The following CACNB2 variants were observed in gnomAD, a reference collection of about 807,000 sequenced individuals.
CACNB2 encodes calcium voltage-gated channel auxiliary subunit beta 2.
Under a neutral mutation model 73.3 loss-of-function variants are expected in CACNB2, and 42 were observed. The ratio of observed to expected loss-of-function variants is 0.57; its 90% CI spans 0.45 to 0.74. CACNB2 has a LOEUF of 0.74. Among genes scored for constraint, CACNB2 ranks in the 30% least tolerant of loss-of-function variants. The pLI is 0.00. For synonymous variants in CACNB2, 348 were observed against 310.3 expected, an observed-to-expected ratio of 1.12 and a Z score of -1.28; for missense variants, 940 against 853.0, an observed-to-expected ratio of 1.10 and a Z score of -1.27.
At chr10:18,286,440 C>A (rs942214234) in intron 2 of CACNB2, among the ~76,000 whole-genome samples, 3 of 143,424 alleles carry the variant, frequency 2.1e-5, no homozygotes, top group Admixed American at 7.5e-5. Context: ...ATGGCGTGAA[C>A]CCTGCAGGTG....
chr10:18,235,877 G>A (rs2036421543), intron 2 of CACNB2, among the ~76,000 whole-genome samples: 1 of 152,174 alleles, frequency 6.6e-6, no homozygotes, highest in African/African-American at 2.4e-5. Flanking sequence ...GATGGGATTA[G>A]ATCGTAGGGG....
intron 2 of CACNB2, among the ~76,000 whole-genome samples, chr10:18,337,361 C>CAAACA (rs1453323670): frequency 6.6e-6 from 1 of 152,174 alleles, no homozygotes; most frequent in Non-Finnish European, 1.5e-5. Flanking sequence ...CTCAGCCTCC[C>CAAACA]AAAGTGCTGG....
At chr10:18,181,065 G>GA (rs34924301) in intron 2 of CACNB2, among the ~76,000 whole-genome samples, 16,351 of 117,808 alleles carry the variant, frequency 0.14, 1,023 homozygotes, top group African/African-American at 0.17. Flanking sequence ...AGCCAAAATA[G>GA]AAAAAAAAAA....
At position 18,140,634 on chromosome 10, in the gene CACNB2, TG is replaced by T; in HGVS notation, c.-100del. Reference sequence around the variant, plus strand: ...GCCGAGAACGGCCGGGCCTGAGCCCTGGGCGGCCCCCAGAGCCGATCAGAGC... The same window carrying T: ...GCCGAGAACGGCCGGGCCTGAGCCCTGGCGGCCCCCAGAGCCGATCAGAGC... On this transcript the variant is annotated 5_prime_UTR_variant, in exon 1 of 14. Coordinates refer to ENST00000324631, the MANE Select transcript of CACNB2 (RefSeq NM_201596.3). 2.0e-6 allele frequency: 2 copies of T among 1,023,142 alleles called. No homozygotes were observed. The highest frequency in any genetic ancestry group is 2.9e-6 in the Non-Finnish European group (2 of 689,356). The allele number at this position is 1,023,142 out of a possible 1,614,324, so 63.4% of individuals were successfully genotyped here.
intron 7 of CACNB2, 23 bp from the exon 8 acceptor site, chr10:18,518,313 A>G (rs1564642977): frequency 2.6e-6 from 4 of 1,560,878 alleles, no homozygotes; most frequent in Non-Finnish European, 3.5e-6. Flanking sequence ...TGAAACGTCT[A>G]AAAGCCTCTC....
intron 2 of CACNB2, among the ~76,000 whole-genome samples, chr10:18,284,126 T>A (rs1200997579): frequency 6.6e-6 from 1 of 152,164 alleles, no homozygotes; most frequent in Non-Finnish European, 1.5e-5. Flanking sequence ...TGACTCATAG[T>A]TCCACATGGT....
At chr10:18,295,189 G>A (rs2039226363) in intron 2 of CACNB2, among the ~76,000 whole-genome samples, 2 of 152,182 alleles carry the variant, frequency 1.3e-5, no homozygotes, top group Admixed American at 1.3e-4. Context: ...ATAGGACACA[G>A]CACTTCCAAT....
At chr10:18,163,491 A>T (rs1185628145) in intron 2 of CACNB2, among the ~76,000 whole-genome samples, 1 of 152,134 alleles carries the variant, frequency 6.6e-6, no homozygotes, top group African/African-American at 2.4e-5. Context: ...ATGAGGCACT[A>T]AGTCTTCGCC....
At chr10:18,270,803 T>C (rs2131640857) in intron 2 of CACNB2, among the ~76,000 whole-genome samples, 1 of 152,348 alleles carries the variant, frequency 6.6e-6, no homozygotes, top group Non-Finnish European at 1.5e-5. Flanking sequence ...TCTTAGAACT[T>C]AAGTTTCTTT....
intron 2 of CACNB2, among the ~76,000 whole-genome samples, chr10:18,200,908 G>T (rs1055474201): frequency 2.0e-5 from 3 of 152,132 alleles, no homozygotes; most frequent in Non-Finnish European, 4.4e-5. Flanking sequence ...TCTAGAAACA[G>T]ATCTTTGCAC....
At chr10:18,451,878 G>A (rs2047038166) in intron 3 of CACNB2, among the ~76,000 whole-genome samples, 1 of 152,112 alleles carries the variant, frequency 6.6e-6, no homozygotes, top group African/African-American at 2.4e-5. Flanking sequence ...TCTAGATAGG[G>A]CTCTATTTAT....
intron 10 of CACNB2, 109 bp downstream of exon 10, chr10:18,527,806 C>T: frequency 1.3e-6 from 1 of 761,270 alleles, no homozygotes; most frequent in South Asian, 1.4e-5. Context: ...ATAGAAAAAA[C>T]AGGTGTGTGC....
chr10:18,504,211 G>A (rs111417390), intron 5 of CACNB2, among the ~76,000 whole-genome samples: 289 of 152,300 alleles, frequency 1.9e-3, no homozygotes, highest in African/African-American at 6.7e-3. Context: ...AGATCTTACA[G>A]GTCACAGATG....
intron 2 of CACNB2, among the ~76,000 whole-genome samples, chr10:18,166,524 C>A (rs1441700963): frequency 2.0e-5 from 3 of 152,190 alleles, no homozygotes; most frequent in Non-Finnish European, 4.4e-5. Flanking sequence ...CCGCACCTGG[C>A]CAAGTTTTTG....
intron 2 of CACNB2, among the ~76,000 whole-genome samples, chr10:18,296,181 C>G (rs888583104): frequency 6.6e-6 from 1 of 151,908 alleles, no homozygotes; most frequent in Non-Finnish European, 1.5e-5. Flanking sequence ...CCGACAATAA[C>G]AGTTTCTAAA....
At chr10:18,366,398 G>A (rs2042351953) in intron 2 of CACNB2, among the ~76,000 whole-genome samples, 1 of 150,496 alleles carries the variant, frequency 6.6e-6, no homozygotes, top group African/African-American at 2.4e-5. Flanking sequence ...CCGGGAGGCG[G>A]AGCTTGCAGT....
Position 18,152,053 on chromosome 10 carries a change from G to A in CACNB2, c.213+1078G>A, listed in dbSNP as rs570678489. On this transcript the variant is annotated intron_variant, in intron 2 of 13. Coordinates refer to ENST00000324631, the MANE Select transcript of CACNB2 (RefSeq NM_201596.3). ...TTTCCCTAGCTGTCTACCCTTATTG[G>A]CTCCTTGTGGCACTCCCCAAGTGCC... Among the ~76,000 whole-genome samples, 11 of 152,168 alleles carry A rather than the reference G, an allele frequency of 7.2e-5. No individual in the cohort carries two copies. The South Asian group carries it at 2.3e-3, about 32-fold the overall frequency.
intron 2 of CACNB2, among the ~76,000 whole-genome samples, chr10:18,376,927 C>T (rs567477542): frequency 5.3e-5 from 8 of 152,174 alleles, no homozygotes; most frequent in East Asian, 1.9e-4. Context: ...TTAGAATGAG[C>T]GGCTTGTCCA....
intron 2 of CACNB2, among the ~76,000 whole-genome samples, chr10:18,299,519 T>C (rs1564416019): frequency 6.6e-6 from 1 of 152,144 alleles, no homozygotes; most frequent in East Asian, 1.9e-4. Context: ...TTTCCCAGCC[T>C]GGGCAACATG....
Sources: allele counts gnomAD v4.1 joint callset (sites outside exome capture counted in the v4.1 genomes callset), GRCh38; gene constraint gnomAD v4.1.1; transcripts MANE v1.5; gene names NCBI Gene and HGNC (gene_info 2026-07-23, HGNC 2026-07-21).